Variants in RERE observed in about 807,000 individuals in gnomAD.
The protein encoded by RERE is arginine-glutamic acid dipeptide repeats, also known as arginine-glutamic acid dipeptide repeats protein.
In RERE, 40 loss-of-function variants were observed where a neutral mutation model predicts 146.1. That is an observed-to-expected ratio of 0.27 (90% CI 0.21 to 0.36). The LOEUF is 0.36. Ranked by LOEUF, RERE falls within the 10% of genes least tolerant of loss-of-function variation. The pLI is 1.00. For missense variants in RERE, 1,933 were observed against 2,138.7 expected (o/e 0.90, Z 1.90); for synonymous variants, 1,003 against 866.0 (o/e 1.16, Z -2.78).
chr1:8,614,754 G>T (rs1207376228), intron 3 of RERE, 68 bp from the exon 4 acceptor site: 17 of 1,515,916 alleles, frequency 1.1e-5, no homozygotes, highest in Non-Finnish European at 1.4e-5. Context: ...TTAGGGGCAC[G>T]CAGCACACAA....
At chr1:8,496,010 T>A (rs898917588) in intron 9 of RERE, among the ~76,000 whole-genome samples, 1 of 151,056 alleles carries the variant, frequency 6.6e-6, no homozygotes, top group African/African-American at 2.4e-5. Flanking sequence ...AGAAAAAAAA[T>A]ATATTAGCCA....
rs143437071 is a variant in RERE at position 8,398,306 on chromosome 1, A to G, written c.1284+24421T>C. 1.8e-3 allele frequency among the ~76,000 whole-genome samples: 280 copies of G among 152,330 alleles called. 1 individual carries two copies. Among genetic ancestry groups the G allele is most frequent in the African/African-American group, 6.5e-3 (272 of 41,576 alleles). ...AAGCTGATTTGGACCACAGTATAAA[A>G]GGTCTTGACTCTCAGGCAAGGGGGT... On this transcript the variant is annotated intron_variant, in intron 12 of 22. Transcript: ENST00000400908.
intron 1 of RERE, among the ~76,000 whole-genome samples, chr1:8,761,165 AG>A (rs1640750271): frequency 6.6e-6 from 1 of 152,228 alleles, no homozygotes; most frequent in African/African-American, 2.4e-5. Context: ...AAAAACTCAA[AG>A]GAAGAATCTG....
At chr1:8,393,889 T>C (rs543710622) in intron 12 of RERE, among the ~76,000 whole-genome samples, 1 of 152,324 alleles carries the variant, frequency 6.6e-6, no homozygotes, top group Non-Finnish European at 1.5e-5. Context: ...TCCTTCATTT[T>C]TTGTTTATAA....
chr1:8,681,769 C>T (rs892705583), intron 1 of RERE, among the ~76,000 whole-genome samples: 21 of 152,098 alleles, frequency 1.4e-4, no homozygotes, highest in Admixed American at 2.0e-4. Context: ...CCACAGATTT[C>T]CACAGATCCC....
At position 8,356,145 on chromosome 1, in the gene RERE, C is replaced by T; in HGVS notation, c.4441G>A (p.Gly1481Arg). 4 of 1,511,590 alleles carry T rather than the reference C, an allele frequency of 2.6e-6. No individual in the cohort carries two copies. Among genetic ancestry groups the T allele is most frequent in the Non-Finnish European group, 3.5e-6 (4 of 1,134,732 alleles). The allele number at this position is 1,511,590 out of a possible 1,614,324, so 93.6% of individuals were successfully genotyped here. A position where few individuals can be genotyped will look rare whatever the true frequency, so the allele number is the denominator to read the frequency against. ...PPGTLPNPLL[G>R]QPPHEHEMLR... is the part of the protein sequence containing the mutation. ...ATCTCGTGCTCGTGTGGGGGCTGTC[C>T]AAGCAGAGGGTTGGGGAGAGTGCCA... Residue 1481 changes from glycine (G) to arginine (R), a missense_variant, in exon 21 of 23, where the codon GGA becomes AGA. Transcript: ENST00000400908. This position sits in a 1 kb window ranked among gnomAD's most constrained non-coding sequence, Gnocchi z 5.2.
At chr1:8,673,239 G>A (rs937136291) in intron 1 of RERE, among the ~76,000 whole-genome samples, 5 of 152,122 alleles carry the variant, frequency 3.3e-5, no homozygotes, top group South Asian at 2.1e-4. Context: ...GGGATTACAG[G>A]TGCCCGCCAC....
At chr1:8,621,504 A>C (rs1646915517) in intron 3 of RERE, among the ~76,000 whole-genome samples, 1 of 152,236 alleles carries the variant, frequency 6.6e-6, no homozygotes, top group Non-Finnish European at 1.5e-5. Context: ...GCATTCACCC[A>C]GTTACTTTTA....
intron 12 of RERE, among the ~76,000 whole-genome samples, chr1:8,382,500 GAACA>G (rs1381284115): frequency 6.6e-6 from 1 of 152,234 alleles, no homozygotes; most frequent in Non-Finnish European, 1.5e-5. Flanking sequence ...GAAAAACAAT[GAACA>G]AACATTGACT....
chr1:8,732,014 A>T (rs956966680), intron 1 of RERE, among the ~76,000 whole-genome samples: 5 of 152,148 alleles, frequency 3.3e-5, no homozygotes, highest in Non-Finnish European at 7.3e-5. Flanking sequence ...TGTGTTAGCC[A>T]GGATGGTCTC....
chr1:8,602,263 C>A (rs951192080), intron 4 of RERE, among the ~76,000 whole-genome samples: 1 of 151,860 alleles, frequency 6.6e-6, no homozygotes, highest in Non-Finnish European at 1.5e-5. Flanking sequence ...TGGTGGCGGG[C>A]GCCTGTAGTC....
intron 10 of RERE, among the ~76,000 whole-genome samples, chr1:8,491,188 C>T (rs964677801): frequency 1.3e-5 from 2 of 150,570 alleles, no homozygotes; most frequent in Non-Finnish European, 2.9e-5. Context: ...CGCCTGTAAT[C>T]CCAGAACTTT....
At chr1:8,570,805 CT>C (rs1646212999) in intron 4 of RERE, among the ~76,000 whole-genome samples, 1 of 152,152 alleles carries the variant, frequency 6.6e-6, no homozygotes, top group African/African-American at 2.4e-5. Flanking sequence ...AAAAAGTATG[CT>C]CCCGAAACAG....
At chr1:8,457,884 A>G (rs933952515) in intron 11 of RERE, among the ~76,000 whole-genome samples, 3 of 152,130 alleles carry the variant, frequency 2.0e-5, no homozygotes, top group Admixed American at 6.5e-5. Flanking sequence ...TACAAGCATG[A>G]GCCTCTGCGC....
chr1:8,626,913 T>A lies in RERE; in HGVS notation c.326-2533A>T, dbSNP rs563159653. On this transcript the variant is annotated intron_variant, in intron 2 of 22. Transcript: ENST00000400908. ...ACTCACTGGCTTCAGAACTAATAGG[T>A]CCCTTTCTAATTAATTGCTTCTACC... is the stretch of plus-strand genomic sequence containing the variant. Among the ~76,000 whole-genome samples, 8 of 152,266 alleles carry A rather than the reference T, an allele frequency of 5.3e-5. No homozygotes were observed. The East Asian group carries it at 1.5e-3, about 29-fold the overall frequency.
intron 11 of RERE, among the ~76,000 whole-genome samples, chr1:8,437,868 C>T (rs1644191934): frequency 6.6e-6 from 1 of 151,366 alleles, no homozygotes; most frequent in Non-Finnish European, 1.5e-5. Context: ...ACTTCTGCTC[C>T]CCCCACCCCC....
In RERE at chr1:8,362,817, T is replaced by G. The variant is rs762635516; in HGVS notation, c.1768A>C (p.Lys590Gln). 5.6e-6 allele frequency: 9 copies of G among 1,613,832 alleles called. No homozygotes were observed. Among genetic ancestry groups the G allele is most frequent in the South Asian group, 4.4e-5 (4 of 91,068 alleles). The stretch of plus-strand genomic sequence containing the variant: ...CGACCATCAGGGCTGGCTGGCTGCT[T>G]CTTCCGACCACTGCGTAGTGTCGAC... ...SMSTLRSGRKKQPASPDGRTS... is the reference protein window; with the variant it reads ...SMSTLRSGRKQQPASPDGRTS... The change falls in exon 16 of 23, where the codon AAG becomes CAG. Residue 590 changes from lysine to glutamine, a missense_variant. Around this residue, in one of 11 missense-constraint regions of RERE, gnomAD observed 1,255 missense variants for 1,153.8 expected, o/e 1.09. Transcript: ENST00000400908.
chr1:8,595,514 G>GT (rs1397050546), intron 4 of RERE, among the ~76,000 whole-genome samples: 3 of 150,746 alleles, frequency 2.0e-5, no homozygotes, highest in Admixed American at 6.6e-5. Context: ...ATGTATTTAT[G>GT]TATTTTATGT....
intron 1 of RERE, among the ~76,000 whole-genome samples, chr1:8,693,843 GC>G (rs1227471436): frequency 6.6e-6 from 1 of 152,136 alleles, no homozygotes; most frequent in Non-Finnish European, 1.5e-5. Context: ...TAGGGGGGAT[GC>G]GGGAACTCTG....
Sources: gnomAD v4.1 joint callset for allele counts (sites outside exome capture counted in the v4.1 genomes callset) on GRCh38, gnomAD v4.1.1 for gene constraint, gnomAD v4.1.1 regional missense constraint, Gnocchi (gnomAD v3.1) non-coding constraint, MANE v1.5 for transcripts, NCBI Gene and HGNC (gene_info 2026-07-23, HGNC 2026-07-21) for gene names.